The following EXOC4 variants were observed in gnomAD, a reference collection of about 807,000 sequenced individuals.
EXOC4 encodes the protein SEC8-like 1.
Under a neutral mutation model 107.2 loss-of-function variants are expected in EXOC4, and 71 were observed. The ratio of observed to expected loss-of-function variants is 0.66; its 90% confidence interval spans 0.55 to 0.81. The LOEUF is 0.81. Ranked by LOEUF, EXOC4 falls within the 30% of genes least tolerant of loss-of-function variation. EXOC4 has a pLI of 0.00. For synonymous variants in EXOC4, 456 were observed against 441.2 expected (o/e 1.03, Z -0.42); for missense variants, 1,108 against 1,189.6 (o/e 0.93, Z 1.01).
the EXOC4 span, among the ~76,000 whole-genome samples, chr7:134,073,205 C>CAAAAAAAAAAAAAAAAAAAAAAAAA: frequency 4.4e-5 from 1 of 22,598 alleles, no homozygotes; most frequent in African/African-American, 1.8e-4. Context: ...GACTTCCTCT[C>CAAAAAAAAAAAAAAAAAAAAAAAAA]AAAAAAAAAA....
chr7:133,830,292 C>T (rs528539799), intron 11 of EXOC4, among the ~76,000 whole-genome samples: 10 of 152,340 alleles, frequency 6.6e-5, no homozygotes, highest in Admixed American at 3.3e-4. Context: ...GGTGACCTTG[C>T]TTGCTGTGTT....
intron 10 of EXOC4, among the ~76,000 whole-genome samples, chr7:133,739,316 C>T (rs1289445639): frequency 6.6e-6 from 1 of 150,968 alleles, no homozygotes; most frequent in Admixed American, 6.6e-5. Context: ...TGGGATCTGG[C>T]TAAACAGTCT....
intron 10 of EXOC4, among the ~76,000 whole-genome samples, chr7:133,781,652 C>T (rs767923121): frequency 2.0e-5 from 3 of 152,196 alleles, no homozygotes; most frequent in South Asian, 2.1e-4. Flanking sequence ...ACTTAAAGCT[C>T]GTGGGAGAGA....
chr7:133,620,567 C>T (rs1802305907), intron 9 of EXOC4, among the ~76,000 whole-genome samples: 1 of 152,130 alleles, frequency 6.6e-6, no homozygotes, highest in Non-Finnish European at 1.5e-5. Context: ...TGTTCATCTG[C>T]TGATAAATGG....
intron 11 of EXOC4, among the ~76,000 whole-genome samples, chr7:133,872,838 A>G (rs980224740): frequency 4.6e-5 from 7 of 152,366 alleles, no homozygotes; most frequent in South Asian, 2.1e-4. Flanking sequence ...TATTAATTTT[A>G]TATTTTAAGA....
chr7:133,982,290 C>T (rs12707132), intron 14 of EXOC4, among the ~76,000 whole-genome samples: 9,967 of 152,260 alleles, frequency 0.065, 423 homozygotes, highest in Middle Eastern at 0.15. Flanking sequence ...TGGTGGCTCA[C>T]GCCTGTAATC....
intron 1 of EXOC4, among the ~76,000 whole-genome samples, chr7:133,259,495 G>A (rs1320522421): frequency 6.6e-6 from 1 of 151,780 alleles, no homozygotes; most frequent in Non-Finnish European, 1.5e-5. Flanking sequence ...CCAAAGTGTT[G>A]GGATTACAGA....
chr7:133,380,866 T>C (rs1191066743), intron 7 of EXOC4, among the ~76,000 whole-genome samples: 1 of 152,208 alleles, frequency 6.6e-6, no homozygotes, highest in Admixed American at 6.5e-5. Context: ...AGGTCTGACA[T>C]AGAAATAACA....
intron 12 of EXOC4, among the ~76,000 whole-genome samples, chr7:133,896,060 A>C (rs1243583514): frequency 6.6e-6 from 1 of 152,238 alleles, no homozygotes; most frequent in Non-Finnish European, 1.5e-5. Context: ...TCTTGTGGTT[A>C]AAAAGATCCT....
At chr7:133,357,385 A>G (rs1423461105) in intron 6 of EXOC4, among the ~76,000 whole-genome samples, 1 of 152,220 alleles carries the variant, frequency 6.6e-6, no homozygotes, top group Non-Finnish European at 1.5e-5. Flanking sequence ...TCTAAAATCC[A>G]TGGTCTTTCC....
chr7:133,695,701 A>C (rs1794518676), intron 10 of EXOC4, among the ~76,000 whole-genome samples: 1 of 152,206 alleles, frequency 6.6e-6, no homozygotes, highest in Non-Finnish European at 1.5e-5. Context: ...CTGTATTGAT[A>C]ATTGTTGCAG....
chr7:133,781,111 T>C (rs1165655030), intron 10 of EXOC4, among the ~76,000 whole-genome samples: 1 of 152,258 alleles, frequency 6.6e-6, no homozygotes, highest in Non-Finnish European at 1.5e-5. Context: ...AAGAAAATGC[T>C]GACTCTTGGA....
chr7:133,649,212 T>C (rs1803070550), intron 10 of EXOC4, among the ~76,000 whole-genome samples: 2 of 152,202 alleles, frequency 1.3e-5, no homozygotes, highest in Non-Finnish European at 2.9e-5. Context: ...AGGATACTTA[T>C]GGTTCTATGG....
intron 10 of EXOC4, among the ~76,000 whole-genome samples, chr7:133,786,533 A>G (rs1268031286): frequency 6.6e-6 from 1 of 152,246 alleles, no homozygotes; most frequent in Non-Finnish European, 1.5e-5. Context: ...CAGGTGTCAA[A>G]GAGTTTTCCA....
intron 9 of EXOC4, among the ~76,000 whole-genome samples, chr7:133,541,970 T>A (rs187315030): frequency 6.6e-6 from 1 of 152,244 alleles, no homozygotes; most frequent in East Asian, 1.9e-4. Flanking sequence ...ACTTTTGCTT[T>A]CCGGTAGATT....
chr7:133,689,435 G>A (rs1418911931), intron 10 of EXOC4, among the ~76,000 whole-genome samples: 2 of 152,190 alleles, frequency 1.3e-5, no homozygotes, highest in African/African-American at 4.8e-5. Flanking sequence ...ATATGTCAAG[G>A]AGAAGTAGAG....
chr7:133,858,512 C>T (rs1008881402), intron 11 of EXOC4, among the ~76,000 whole-genome samples: 2 of 152,138 alleles, frequency 1.3e-5, no homozygotes, highest in Admixed American at 1.3e-4. Context: ...AGACTGACAG[C>T]CTGGTTTTCA....
At chr7:133,417,829 G>A (rs567967547) in intron 7 of EXOC4, among the ~76,000 whole-genome samples, 71 of 152,220 alleles carry the variant, frequency 4.7e-4, no homozygotes, top group South Asian at 1.2e-3. Context: ...AAACCAAGGA[G>A]TGTTAAATTT....
intron 12 of EXOC4, among the ~76,000 whole-genome samples, chr7:133,909,387 A>G (rs1424263583): frequency 1.3e-5 from 2 of 152,174 alleles, no homozygotes; most frequent in Non-Finnish European, 2.9e-5. Context: ...AAGTGAGGAG[A>G]GTAGGTTCAG....
Sources: gnomAD v4.1 joint callset for allele counts (sites outside exome capture counted in the v4.1 genomes callset) on GRCh38, gnomAD v4.1.1 for gene constraint, MANE v1.5 for transcripts, NCBI Gene and HGNC (gene_info 2026-07-23, HGNC 2026-07-21) for gene names.